NUB1: variants seen among roughly 807,000 people sequenced by gnomAD.
NUB1 encodes the protein NEDD8 ultimate buster 1.
NUB1 carries 41 observed loss-of-function variants against 77.1 expected under a neutral mutation model. The ratio of observed to expected loss-of-function variants is 0.53; its 90% CI spans 0.41 to 0.69. The LOEUF (loss-of-function observed/expected upper bound fraction) is 0.69. NUB1 is among the 30% of genes least tolerant of loss of function. NUB1 has a pLI of 0.00. For synonymous variants in NUB1, 257 were observed against 281.0 expected (o/e 0.91, Z 0.85); for missense variants, 643 against 743.8 (o/e 0.86, Z 1.58).
chr7:151,351,537 T>G, intron 4 of NUB1, 55 bp downstream of exon 4: 2 of 1,263,448 alleles, frequency 1.6e-6, no homozygotes, highest in Non-Finnish European at 2.3e-6. Flanking sequence ...TACATTGGCT[T>G]ATTTGATCCT....
At chr7:151,342,218 A>G (rs1450367877) in intron 1 of NUB1, among the ~76,000 whole-genome samples, 3 of 152,232 alleles carry the variant, frequency 2.0e-5, no homozygotes, top group Admixed American at 1.3e-4. Flanking sequence ...TTTATTTGCA[A>G]TCAAAGCCAG....
At position 151,344,180 on chromosome 7, in the gene NUB1, C is replaced by CAAAAAAAAAAAA. The variant is rs561127147; in HGVS notation, c.-2-1146_-2-1135dup. 1.1e-3 allele frequency among the ~76,000 whole-genome samples: 48 copies of CAAAAAAAAAAAA among 45,630 alleles called. 3 individuals are homozygous for CAAAAAAAAAAAA. Among genetic ancestry groups the CAAAAAAAAAAAA allele is most frequent in the Admixed American group, 1.7e-3 (7 of 4,210 alleles). 29.9% of individuals were successfully genotyped at this position (45,630 alleles called of 152,430 possible). A position where few individuals can be genotyped will look rare whatever the true frequency, so the allele number is the denominator to read the frequency against. On this transcript the variant is annotated intron_variant, in intron 1 of 14. Transcript: ENST00000568733. ...TGGGCGACAGAGTGAGACTCCCTCT[C>CAAAAAAAAAAAA]AAAAAAAAAAAAAAAAAAAAAAAAA...
intron 3 of NUB1, among the ~76,000 whole-genome samples, chr7:151,349,958 T>C (rs1796707375): frequency 1.3e-5 from 2 of 152,192 alleles, no homozygotes; most frequent in African/African-American, 2.4e-5. Context: ...ATTTATTGGA[T>C]ACAAGGCAGA....
At chr7:151,344,955 G>A (rs963790674) in intron 1 of NUB1, among the ~76,000 whole-genome samples, 11 of 152,158 alleles carry the variant, frequency 7.2e-5, no homozygotes, top group Admixed American at 4.6e-4. Flanking sequence ...AGCCGAGATC[G>A]CACCACTGCA....
chr7:151,352,167 T>A (rs903743603), intron 4 of NUB1: 1 of 456,704 alleles, frequency 2.2e-6, no homozygotes, highest in South Asian at 1.5e-5. Flanking sequence ...GCCCCCGCTA[T>A]GGGCTTCTCC....
chr7:151,356,039 C>A, intron 6 of NUB1, 89 bp downstream of exon 6: 1 of 1,541,616 alleles, frequency 6.5e-7, no homozygotes, highest in Non-Finnish European at 9.0e-7. Flanking sequence ...CTCACTGAGT[C>A]TCACCTCAAC....
chr7:151,360,504 G>C, intron 8 of NUB1: 1 of 355,280 alleles, frequency 2.8e-6, no homozygotes, highest in Non-Finnish European at 5.1e-6. Context: ...TTGCTAGTCG[G>C]AACTTTCCAT....
chr7:151,375,806 G>A (rs200617112), intron 12 of NUB1, 42 bp from the exon 13 acceptor site: 1 of 1,315,992 alleles, frequency 7.6e-7, no homozygotes, highest in African/African-American at 1.4e-5. Context: ...AATGTGTGAA[G>A]AGTTCTTAGT....
At position 151,366,978 on chromosome 7, in the gene NUB1, C is replaced by T. The variant is rs386956; in HGVS notation, c.840C>T (p.Tyr280=). 945,873 of 1,611,532 alleles carry T rather than the reference C, an allele frequency of 0.59. 289,936 individuals are homozygous for T. The highest frequency in any genetic ancestry group is 0.64 in the Non-Finnish European group (757,583 of 1,178,424). Residue 280 remains tyrosine, a synonymous_variant, in exon 9 of 15, where the codon TAC becomes TAT. Transcript: ENST00000568733. ...AGCTGCTGGACACAGTGGATAACTA[C>T]GCCGTCCTCCAGCTGGATATAGTGT... ...CRELLDTVDN[Y]AVLQLDIVWC...
intron 1 of NUB1, chr7:151,342,056 C>T: frequency 2.3e-6 from 2 of 885,472 alleles, no homozygotes; most frequent in Non-Finnish European, 3.0e-6. Context: ...GTTCGGGGCC[C>T]TTTGGTTTGC....
intron 1 of NUB1, among the ~76,000 whole-genome samples, chr7:151,343,567 C>G (rs17173091): frequency 3.3e-5 from 5 of 152,122 alleles, no homozygotes; most frequent in African/African-American, 7.2e-5. Flanking sequence ...TATTGCTTGT[C>G]TGATTTGGGA....
intron 11 of NUB1, among the ~76,000 whole-genome samples, chr7:151,371,636 C>T (rs549662717): frequency 1.3e-5 from 2 of 152,220 alleles, no homozygotes; most frequent in South Asian, 4.1e-4. Context: ...CAATGTCCCA[C>T]AGAAAGTGAG....
At chr7:151,347,172 G>C (rs540239148) in intron 2 of NUB1, among the ~76,000 whole-genome samples, 8 of 152,116 alleles carry the variant, frequency 5.3e-5, no homozygotes, top group African/African-American at 1.9e-4. Context: ...AAAATATAAA[G>C]AATGTATTTT....
intron 1 of NUB1, among the ~76,000 whole-genome samples, chr7:151,342,519 T>C (rs1796261733): frequency 6.6e-6 from 1 of 152,244 alleles, no homozygotes; most frequent in Non-Finnish European, 1.5e-5. Context: ...GTGATATTAA[T>C]GAGTTTCGTC....
chr7:151,359,167 G>C (rs1486812724), intron 7 of NUB1, among the ~76,000 whole-genome samples: 4 of 150,944 alleles, frequency 2.6e-5, no homozygotes, highest in South Asian at 2.1e-4. Context: ...GGCCGGGCAC[G>C]GTGGCTCATG....
chr7:151,351,502 G>C lies in NUB1; in HGVS notation c.344+20G>C, dbSNP rs1367857959. The C allele has an allele frequency of 6.3e-7, 1 of 1,591,072 alleles. No individual in the cohort carries two copies. The highest frequency in any genetic ancestry group is 1.3e-5 in the African/African-American group (1 of 74,254). ...GTCCAAGTAAGTATCTGTGTGCTCT[G>C]TGTCCTAGGTGCTCTGGGCCTTTTT... On this transcript the variant is annotated intron_variant, in intron 4 of 14. Coordinates refer to ENST00000568733, the MANE Select transcript of NUB1 (RefSeq NM_001243351.2).
Position 151,367,121 on chromosome 7 carries a change from T to TA in NUB1, c.987dup (p.Gly330ArgfsTer27). 5 of 1,610,774 alleles carry TA rather than the reference T, an allele frequency of 3.1e-6. No individual in the cohort carries two copies. The highest frequency in any genetic ancestry group is 4.2e-6 in the Non-Finnish European group (5 of 1,177,728). ...GAAAATCATCAGAGACTGGTCCACA[T>TA]AAAAGTATGTTCCTGGAATTCATCT... is the stretch of plus-strand genomic sequence containing the variant. On this transcript the variant is annotated frameshift_variant, in exon 9 of 15. Coordinates refer to ENST00000568733, the MANE Select transcript of NUB1 (RefSeq NM_001243351.2). LOFTEE classifies it high-confidence loss of function.
chr7:151,356,144 G>A lies in NUB1; in HGVS notation c.615G>A (p.Val205=), dbSNP rs947327021. ...ILAKRAAETV[V]DPEMTPYLDI... is the part of the protein sequence containing the mutation. ...TTGTTACAGCAGCAGAGACAGTGGT[G>A]GATCCAGAAATGACACCGTACTTAG... Residue 205 remains valine (V), a synonymous_variant, in exon 7 of 15, where the codon GTG becomes GTA. Coordinates refer to ENST00000568733, the MANE Select transcript of NUB1 (RefSeq NM_001243351.2). The A allele has an allele frequency of 1.2e-6, 2 of 1,613,570 alleles. No individual in the cohort carries two copies. The highest frequency in any genetic ancestry group is 1.7e-6 in the Non-Finnish European group (2 of 1,179,668).
intron 12 of NUB1, among the ~76,000 whole-genome samples, chr7:151,375,592 C>T (rs936089267): frequency 1.3e-5 from 2 of 152,316 alleles, no homozygotes; most frequent in South Asian, 4.1e-4. Context: ...ATGCTGCTTC[C>T]ACCTGCTCTC....
Sources: allele counts gnomAD v4.1 joint callset (sites outside exome capture counted in the v4.1 genomes callset), GRCh38; gene constraint gnomAD v4.1.1; transcripts MANE v1.5; gene names NCBI Gene and HGNC (gene_info 2026-07-23, HGNC 2026-07-21).